GRM5: variants seen among roughly 807,000 people sequenced by gnomAD.
The protein encoded by GRM5 is metabotropic glutamate receptor 5.
Under a neutral mutation model 83.1 loss-of-function variants are expected in GRM5, and 19 were observed. That is an observed-to-expected ratio of 0.23 (90% CI 0.16 to 0.34). The LOEUF (loss-of-function observed/expected upper bound fraction) is 0.34. Among genes scored for constraint, GRM5 ranks in the 10% least tolerant of loss-of-function variants. GRM5 has a pLI of 1.00. For synonymous variants in GRM5, 675 were observed against 633.6 expected (o/e 1.07, Z -0.98); for missense variants, 1,160 against 1,588.3 (o/e 0.73, Z 4.58).
At chr11:88,576,844 A>G (rs1370641191) in intron 7 of GRM5, among the ~76,000 whole-genome samples, 1 of 152,174 alleles carries the variant, frequency 6.6e-6, no homozygotes, top group African/African-American at 2.4e-5. Flanking sequence ...CACACATAAT[A>G]GGAGCTATAA....
chr11:89,042,091 C>G (rs1277503681), intron 2 of GRM5, among the ~76,000 whole-genome samples: 2 of 152,114 alleles, frequency 1.3e-5, no homozygotes, highest in African/African-American at 4.8e-5. Flanking sequence ...GTCACCCAGG[C>G]TGGAGTGCAA....
chr11:88,578,982 C>T lies in GRM5; in HGVS notation c.1691-10990G>A, dbSNP rs546054936. 1.4e-4 allele frequency among the ~76,000 whole-genome samples: 21 copies of T among 152,092 alleles called. 1 individual carries two copies. Among genetic ancestry groups the T allele is most frequent in the Non-Finnish European group, 2.8e-4 (19 of 67,960 alleles). The stretch of plus-strand genomic sequence containing the variant: ...TGTCAAGGAAAAAGCACTAGTTTTA[C>T]AGAAAGATGAAACAGGGTCTGAGCC... On this transcript the variant is annotated intron_variant, in intron 7 of 9. Transcript: ENST00000305447.
intron 3 of GRM5, among the ~76,000 whole-genome samples, chr11:88,758,954 C>T (rs943151508): frequency 1.3e-5 from 2 of 152,058 alleles, no homozygotes; most frequent in African/African-American, 2.4e-5. Context: ...AAAAGAAATT[C>T]GAACCCAGAA....
At chr11:88,978,473 T>TAA (rs1565317795) in intron 2 of GRM5, among the ~76,000 whole-genome samples, 24 of 56,840 alleles carry the variant, frequency 4.2e-4, no homozygotes, top group African/African-American at 1.6e-3. Context: ...GCAGATGAGC[T>TAA]TAAAAAAAAA....
Position 88,604,835 on chromosome 11 carries a change from C to T in GRM5, c.1277G>A (p.Cys426Tyr), listed in dbSNP as rs1262746876. 1 of 1,614,102 alleles carries T rather than the reference C, an allele frequency of 6.2e-7. No homozygotes were observed. The highest frequency in any genetic ancestry group is 8.5e-7 in the Non-Finnish European group (1 of 1,179,976). ...MSLCPGYAGL[C>Y]DAMKPIDGRK... ...TCCATCAATTGGCTTCATGGCATCACAGAGTCCTGCATAGCCTGGGCAGAG... is the reference window on the plus strand; with the variant it reads ...TCCATCAATTGGCTTCATGGCATCATAGAGTCCTGCATAGCCTGGGCAGAG... The change falls in exon 5 of 10, where the codon TGT becomes TAT. Residue 426 changes from cysteine (C) to tyrosine (Y), a missense_variant. By Grantham distance (194) the Cys-to-Tyr change is radical. Around this residue, in one of 9 missense-constraint regions of GRM5, gnomAD observed 132 missense variants for 197.6 expected, o/e 0.67. Transcript: ENST00000305447.
In GRM5 at chr11:88,717,506, A is replaced by G. The variant is rs189380028; in HGVS notation, c.912-64103T>C. On this transcript the variant is annotated intron_variant, in intron 3 of 9. Coordinates refer to ENST00000305447, the MANE Select transcript of GRM5 (RefSeq NM_001143831.3). ...AGAAATTAAATTTTACAAAGATTGA[A>G]TTCCTTTAAATACCCTGCTAGTAAA... is the stretch of plus-strand genomic sequence containing the variant. Among the ~76,000 whole-genome samples, 48 of 151,982 alleles carry G rather than the reference A, an allele frequency of 3.2e-4. 1 individual carries two copies. Among genetic ancestry groups the G allele is most frequent in the Admixed American group, 3.2e-3 (48 of 15,234 alleles).
Position 88,567,957 on chromosome 11 carries a change from C to T in GRM5, c.1726G>A (p.Gly576Ser), listed in dbSNP as rs1942907785. The T allele has an allele frequency of 1.2e-6, 2 of 1,613,532 alleles. No homozygotes were observed. Among genetic ancestry groups the T allele is most frequent in the South Asian group, 2.2e-5 (2 of 91,030 alleles). The change falls in exon 8 of 10, where the codon GGT becomes AGT. Residue 576 changes from glycine (G) to serine (S), a missense_variant. Physicochemically the swap from Gly to Ser is moderately conservative, Grantham distance 56. Around this residue, in one of 9 missense-constraint regions of GRM5, gnomAD observed 132 missense variants for 245.5 expected, o/e 0.54. Coordinates refer to ENST00000305447, the MANE Select transcript of GRM5 (RefSeq NM_001143831.3). This position sits in a 1 kb window ranked among gnomAD's most constrained non-coding sequence, Gnocchi z 7.3. ...ACAGCTGCAATGGGTTCAGGGTCAC[C>T]CCATCGAAGATACTGTACTGGGATC... is the stretch of plus-strand genomic sequence containing the variant. ...DLIPVQYLRW[G>S]DPEPIAAVVF...
chr11:88,990,845 T>G (rs1348292326), intron 2 of GRM5, among the ~76,000 whole-genome samples: 1 of 151,608 alleles, frequency 6.6e-6, no homozygotes, highest in East Asian at 1.9e-4. Context: ...ATAAATTAGG[T>G]ATTGATGGGA....
chr11:88,779,538 T>A (rs1565227025), intron 3 of GRM5, among the ~76,000 whole-genome samples: 1 of 152,124 alleles, frequency 6.6e-6, no homozygotes, highest in Non-Finnish European at 1.5e-5. Context: ...TAACAGAATT[T>A]TTTTCTGTGC....
At chr11:88,993,796 G>A (rs369000835) in intron 2 of GRM5, among the ~76,000 whole-genome samples, 4 of 152,108 alleles carry the variant, frequency 2.6e-5, no homozygotes, top group East Asian at 1.9e-4. Context: ...ATCATGGCTC[G>A]CTGTAGCCCT....
intron 2 of GRM5, among the ~76,000 whole-genome samples, chr11:89,030,768 T>C (rs1941242562): frequency 6.6e-6 from 1 of 152,116 alleles, no homozygotes; most frequent in Non-Finnish European, 1.5e-5. Flanking sequence ...TTCTATGATC[T>C]TATGCCCTAT....
chr11:89,012,837 G>A (rs1288662942), intron 2 of GRM5, among the ~76,000 whole-genome samples: 3 of 152,176 alleles, frequency 2.0e-5, no homozygotes, highest in East Asian at 3.9e-4. Context: ...ATTACATACC[G>A]TTTGAATAGT....
At chr11:88,543,958 C>G (rs1942332783) in intron 8 of GRM5, among the ~76,000 whole-genome samples, 1 of 152,034 alleles carries the variant, frequency 6.6e-6, no homozygotes, top group Admixed American at 6.6e-5. Flanking sequence ...TTTGTGAGGG[C>G]TCTGCCCTCA....
chr11:88,691,784 T>C (rs2135360625), intron 3 of GRM5, among the ~76,000 whole-genome samples: 1 of 152,346 alleles, frequency 6.6e-6, no homozygotes, highest in Middle Eastern at 3.4e-3. Flanking sequence ...TCTGTTATTC[T>C]ATCATAAAAA....
intron 9 of GRM5, among the ~76,000 whole-genome samples, chr11:88,518,460 G>A (rs929657216): frequency 8.6e-5 from 13 of 151,896 alleles, no homozygotes; most frequent in Non-Finnish European, 1.6e-4. Flanking sequence ...TTGGTAAATG[G>A]TATAGAAAGT....
At chr11:88,783,052 G>T (rs72643323) in intron 3 of GRM5, among the ~76,000 whole-genome samples, 12,529 of 152,110 alleles carry the variant, frequency 0.082, 926 homozygotes, top group African/African-American at 0.21. Context: ...ACTAAAGTCC[G>T]CCTGACTTAA....
intron 3 of GRM5, among the ~76,000 whole-genome samples, chr11:88,787,135 G>A (rs979624359): frequency 1.0e-4 from 4 of 39,700 alleles, no homozygotes; most frequent in African/African-American, 3.9e-4. Context: ...GATATGATGT[G>A]TGTGTGTGTG....
intron 2 of GRM5, among the ~76,000 whole-genome samples, chr11:88,872,306 C>A (rs1944782917): frequency 6.6e-6 from 1 of 151,438 alleles, no homozygotes; most frequent in African/African-American, 2.4e-5. Flanking sequence ...ATTCAATCAT[C>A]TAAAAATTAT....
At position 88,508,806 on chromosome 11, in the gene GRM5, T is replaced by C. The variant is rs1941258097; in HGVS notation, c.3425A>G (p.Glu1142Gly). ...AGCCTCGGGACCGGCCGCGGGGCTCTCCCGGGCCGCGTCCCCAGCCGCCTG... is the reference window on the plus strand; with the variant it reads ...AGCCTCGGGACCGGCCGCGGGGCTCCCCCGGGCCGCGTCCCCAGCCGCCTG... ...GAQAAGDAARESPAAGPEAAA... is the reference protein window; with the variant it reads ...GAQAAGDAARGSPAAGPEAAA... The change falls in exon 10 of 10, where the codon GAG becomes GGG. Residue 1142 changes from glutamate to glycine, a missense_variant. Transcript: ENST00000305447. This position sits in a 1 kb window ranked among gnomAD's most constrained non-coding sequence, Gnocchi z 4.2. 1 of 1,518,414 alleles carries C rather than the reference T, an allele frequency of 6.6e-7. No individual in the cohort carries two copies. Among genetic ancestry groups the C allele is most frequent in the Non-Finnish European group, 8.8e-7 (1 of 1,133,654 alleles). The allele number at this position is 1,518,414 out of a possible 1,614,324, so 94.1% of individuals were successfully genotyped here.
Sources: gnomAD v4.1 joint callset for allele counts (sites outside exome capture counted in the v4.1 genomes callset) on GRCh38, gnomAD v4.1.1 for gene constraint, gnomAD v4.1.1 regional missense constraint, Gnocchi (gnomAD v3.1) non-coding constraint, MANE v1.5 for transcripts, NCBI Gene and HGNC (gene_info 2026-07-23, HGNC 2026-07-21) for gene names.